SRGAP1: variants seen among roughly 807,000 people sequenced by gnomAD.
SRGAP1 encodes the protein SLIT-ROBO Rho GTPase-activating protein 1.
SRGAP1 carries 43 observed loss-of-function variants against 121.9 expected under a neutral mutation model. The observed-to-expected ratio is 0.35, with a 90% CI of 0.28 to 0.46. SRGAP1 has a LOEUF of 0.46. SRGAP1 is among the 20% of genes least tolerant of loss of function. The probability of loss-of-function intolerance (pLI) is 1.00; values close to 1 mark genes in which losing one functional copy is unlikely to be tolerated. For missense variants in SRGAP1, 1,102 were observed against 1,350.9 expected, an observed-to-expected ratio of 0.82 and a Z score of 2.89; for synonymous variants, 447 against 485.4, an observed-to-expected ratio of 0.92 and a Z score of 1.04.
chr12:63,902,095 G>T (rs2029962669), intron 1 of SRGAP1, among the ~76,000 whole-genome samples: 1 of 152,120 alleles, frequency 6.6e-6, no homozygotes. Context: ...TGGGCGGATC[G>T]CTCGAGCTCA....
intron 1 of SRGAP1, among the ~76,000 whole-genome samples, chr12:63,974,007 ACT>A (rs1236089491): frequency 6.6e-6 from 1 of 152,156 alleles, no homozygotes; most frequent in Non-Finnish European, 1.5e-5. Flanking sequence ...ATTCCCACAC[ACT>A]GTCTTTCTGT....
chr12:64,120,726 A>G (rs145081436), intron 18 of SRGAP1, among the ~76,000 whole-genome samples: 130 of 152,204 alleles, frequency 8.5e-4, no homozygotes, highest in African/African-American at 2.8e-3. Flanking sequence ...CCTGGACTTA[A>G]TCTCCTATGA....
chr12:64,127,058 T>C lies in SRGAP1; in HGVS notation c.2406-532T>C, dbSNP rs111388565. The stretch of plus-strand genomic sequence containing the variant: ...GCCTGTAGCATTCAGTACAGTAACA[T>C]GCTGTGCAGGTTTGTAGCCTAGGAG... On this transcript the variant is annotated intron_variant, in intron 19 of 21. Transcript: ENST00000355086. Among the ~76,000 whole-genome samples, 346 of 152,316 alleles carry C rather than the reference T, an allele frequency of 2.3e-3. 2 individuals carry two copies. Among genetic ancestry groups the C allele is most frequent in the African/African-American group, 7.8e-3 (324 of 41,564 alleles).
intron 1 of SRGAP1, among the ~76,000 whole-genome samples, chr12:63,959,932 T>A (rs182269195): frequency 4.1e-4 from 63 of 152,280 alleles, no homozygotes; most frequent in African/African-American, 1.5e-3. Flanking sequence ...ATTCATCAGA[T>A]TTATCTTCTG....
At position 64,095,189 on chromosome 12, in the gene SRGAP1, A is replaced by C. The variant is rs2036131944; in HGVS notation, c.1663A>C (p.Asn555His). 6.2e-7 allele frequency: 1 copy of C among 1,613,912 alleles called. No homozygotes were observed. The highest frequency in any genetic ancestry group is 1.3e-5 in the African/African-American group (1 of 74,910). ...CCAGGTGGAAGTCAATGATATTAAA[A>C]ATTCATTTGAGAGAGGTAATTGCAC... ...GSQVEVNDIK[N>H]SFERGENPLA... Residue 555 changes from asparagine to histidine, a missense_variant, in exon 14 of 22, where the codon AAT becomes CAT. Asn to His is a moderately conservative substitution (Grantham distance 68). Transcript: ENST00000355086.
chr12:63,872,948 T>TG (rs1899903344), intron 1 of SRGAP1, among the ~76,000 whole-genome samples: 1 of 152,124 alleles, frequency 6.6e-6, no homozygotes, highest in Non-Finnish European at 1.5e-5. Context: ...TAGACCTTGA[T>TG]GGATGAGGAG....
At chr12:64,039,628 CGTGT>C (rs6144742) in intron 4 of SRGAP1, among the ~76,000 whole-genome samples, 6,399 of 130,622 alleles carry the variant, frequency 0.049, 497 homozygotes, top group African/African-American at 0.16. Flanking sequence ...AGCTGAGCAA[CGTGT>C]GTGTGTGTGT....
At chr12:64,008,121 G>A (rs879658230) in intron 3 of SRGAP1, among the ~76,000 whole-genome samples, 1 of 152,158 alleles carries the variant, frequency 6.6e-6, no homozygotes, top group Non-Finnish European at 1.5e-5. Flanking sequence ...TTTTAACAAC[G>A]CTATGGAGTA....
intron 1 of SRGAP1, among the ~76,000 whole-genome samples, chr12:63,856,252 CTAAATAAATAAATAAATAAATAAA>C (rs79879818): frequency 6.8e-6 from 1 of 146,286 alleles, no homozygotes; most frequent in African/African-American, 2.5e-5. Flanking sequence ...AACTCCGTCT[CTAAATAAATAAATAAATAAATAAA>C]TAAATAAATA....
At position 64,137,961 on chromosome 12, in the gene SRGAP1, A is replaced by AAAATATAT. The variant is rs372355390; in HGVS notation, c.2881-4333_2881-4332insAATATATA. Among the ~76,000 whole-genome samples, 22 of 139,678 alleles carry AAAATATAT rather than the reference A, an allele frequency of 1.6e-4. 1 individual carries two copies. The South Asian group carries it at 1.8e-3, about 11-fold the overall frequency. The allele number at this position is 139,678 out of a possible 152,430, so 91.6% of individuals were successfully genotyped here. ...CTTTCTTAATTGTGCTTAAAAAAAA[A>AAAATATAT]ATATATATATATATATATATAAAAA... is the stretch of plus-strand genomic sequence containing the variant. On this transcript the variant is annotated intron_variant, in intron 21 of 21. Transcript: ENST00000355086.
intron 1 of SRGAP1, among the ~76,000 whole-genome samples, chr12:63,847,799 G>A (rs1898949994): frequency 6.6e-6 from 1 of 151,944 alleles, no homozygotes; most frequent in Non-Finnish European, 1.5e-5. Context: ...TGACTTAGGT[G>A]TGTGGGTGAT....
chr12:64,091,419 C>T, intron 12 of SRGAP1, 41 bp downstream of exon 12: 1 of 1,457,746 alleles, frequency 6.9e-7, no homozygotes. Context: ...CTCCATGCTT[C>T]TTACTATAAT....
At chr12:63,949,520 C>T (rs993718896) in intron 1 of SRGAP1, among the ~76,000 whole-genome samples, 15 of 150,878 alleles carry the variant, frequency 9.9e-5, no homozygotes, top group African/African-American at 3.2e-4. Context: ...CTCTGCCTCC[C>T]GGGTTTGCGC....
intron 1 of SRGAP1, among the ~76,000 whole-genome samples, chr12:63,924,068 G>A (rs1465850101): frequency 6.6e-6 from 1 of 152,202 alleles, no homozygotes; most frequent in East Asian, 1.9e-4. Flanking sequence ...TTGAACCTGG[G>A]AGGTGGAGGT....
chr12:63,991,874 A>G (rs1157354015), intron 3 of SRGAP1, among the ~76,000 whole-genome samples: 1 of 152,214 alleles, frequency 6.6e-6, no homozygotes, highest in Non-Finnish European at 1.5e-5. Context: ...CTAGGGGAGC[A>G]GAGCTAAAAG....
rs2037179523 is a variant in SRGAP1, at chr12:64,158,165, A to T, written c.*15493A>T. 1 of 152,246 alleles carries T rather than the reference A, an allele frequency of 6.6e-6. No individual in the cohort carries two copies. Among genetic ancestry groups the T allele is most frequent in the African/African-American group, 2.4e-5 (1 of 41,468 alleles). The allele number at this position is 152,246 out of a possible 1,614,324, so 9.4% of individuals were successfully genotyped here. A position where few individuals can be genotyped will look rare whatever the true frequency, so the allele number is the denominator to read the frequency against. On this transcript the variant is annotated 3_prime_UTR_variant, in exon 22 of 22. Transcript: ENST00000355086. ...AGGATTGCTTGAGCCCAGAGCAATT[A>T]AACACTGCCTGGTGCATAGTTAGTG...
Position 64,042,933 on chromosome 12 carries a change from G to A in SRGAP1, c.633G>A (p.Arg211=), listed in dbSNP as rs770153926. Residue 211 remains arginine, a synonymous_variant, in exon 5 of 22, where the codon CGG becomes CGA. Coordinates refer to ENST00000355086, the MANE Select transcript of SRGAP1 (RefSeq NM_020762.4). The part of the protein sequence containing the change: ...FHIRLEERHQ[R]RSSVKKIEKM... ...TTCGACTAGAGGAGAGACATCAACG[G>A]CGAAGCTCTGTAAAGAAAATTGAAA... The A allele has an allele frequency of 6.8e-5, 109 of 1,613,616 alleles. No individual in the cohort carries two copies. Among genetic ancestry groups the A allele is most frequent in the Non-Finnish European group, 8.9e-5 (105 of 1,179,880 alleles).
In SRGAP1 at chr12:63,995,624, T is replaced by A. The variant is rs149912622; in HGVS notation, c.426+5552T>A. 1.6e-3 allele frequency among the ~76,000 whole-genome samples: 236 copies of A among 152,246 alleles called. 1 individual carries two copies. Among genetic ancestry groups the A allele is most frequent in the African/African-American group, 5.3e-3 (219 of 41,556 alleles). On this transcript the variant is annotated intron_variant, in intron 3 of 21. Coordinates refer to ENST00000355086, the MANE Select transcript of SRGAP1 (RefSeq NM_020762.4). ...GATATTCTGGGAAGAGGCACAACATTTGTCAATCATCCAAGTTATAGGGAG... is the reference window on the plus strand; with the variant it reads ...GATATTCTGGGAAGAGGCACAACATATGTCAATCATCCAAGTTATAGGGAG...
intron 1 of SRGAP1, among the ~76,000 whole-genome samples, chr12:63,896,459 G>A (rs1592925381): frequency 6.6e-6 from 1 of 152,132 alleles, no homozygotes; most frequent in African/African-American, 2.4e-5. Flanking sequence ...CCTCTGCACA[G>A]GGTCTCAAAG....
Sources: allele counts gnomAD v4.1 joint callset (sites outside exome capture counted in the v4.1 genomes callset), GRCh38; gene constraint gnomAD v4.1.1; transcripts MANE v1.5; gene names NCBI Gene and HGNC (gene_info 2026-07-23, HGNC 2026-07-21).